The following BTBD9 variants were observed in gnomAD, a reference collection of about 807,000 sequenced individuals.
BTBD9 encodes the protein BTB/POZ domain-containing protein 9.
In BTBD9, 49 loss-of-function variants were observed where a neutral mutation model predicts 64.3. The ratio of observed to expected loss-of-function variants is 0.76; its 90% CI spans 0.61 to 0.97. BTBD9 has a LOEUF of 0.97. Among genes scored for constraint, BTBD9 ranks in the 50% least tolerant of loss-of-function variants. The pLI is 0.00. For synonymous variants in BTBD9, 260 were observed against 274.7 expected (o/e 0.95, Z 0.53); for missense variants, 598 against 762.1 (o/e 0.78, Z 2.53).
chr6:38,564,370 T>A (rs980540789), intron 6 of BTBD9, among the ~76,000 whole-genome samples: 3 of 152,212 alleles, frequency 2.0e-5, no homozygotes, highest in Non-Finnish European at 4.4e-5. Flanking sequence ...GCACTCAGTA[T>A]GTTTTTGTTG....
intron 9 of BTBD9, among the ~76,000 whole-genome samples, chr6:38,224,539 A>C (rs995302548): frequency 1.3e-5 from 2 of 152,232 alleles, no homozygotes; most frequent in African/African-American, 4.8e-5. Context: ...TTTAGAGATT[A>C]CCATCCAAAA....
At chr6:38,188,700 C>T (rs1761925152) in intron 10 of BTBD9, among the ~76,000 whole-genome samples, 2 of 152,160 alleles carry the variant, frequency 1.3e-5, no homozygotes, top group South Asian at 4.1e-4. Context: ...TCTTTGGAAG[C>T]CCTAATCCCT....
chr6:38,521,459 T>G (rs1313032929), intron 6 of BTBD9, among the ~76,000 whole-genome samples: 1 of 152,200 alleles, frequency 6.6e-6, no homozygotes, highest in Non-Finnish European at 1.5e-5. Flanking sequence ...CATTTCAGAT[T>G]TTTTCAGATT....
intron 9 of BTBD9, among the ~76,000 whole-genome samples, chr6:38,227,742 G>T (rs988175167): frequency 2.0e-5 from 3 of 152,206 alleles, no homozygotes; most frequent in Admixed American, 6.5e-5. Context: ...GGGGGCCTGG[G>T]ACTGGCATTC....
rs543471856 is a variant in BTBD9 at position 38,345,184 on chromosome 6, T to C, written c.1155-91A>G. On this transcript the variant is annotated intron_variant, in intron 6 of 10. Transcript: ENST00000481247. ...CAGAGTAAGACACGTCACCTAAACA[T>C]AGAGTGCACCAGGATATAGACCAAA... 378 of 749,290 alleles carry C rather than the reference T, an allele frequency of 5.0e-4. 7 individuals carry two copies. The South Asian group carries it at 6.4e-3, about 13-fold the overall frequency. The allele number at this position is 749,290 out of a possible 1,614,324, so 46.4% of individuals were successfully genotyped here. A position where few individuals can be genotyped will look rare whatever the true frequency, so the allele number is the denominator to read the frequency against.
rs1765475235 is a variant in BTBD9, at chr6:38,372,698, C to T, written c.1155-27605G>A. On this transcript the variant is annotated intron_variant, in intron 6 of 10. Transcript: ENST00000481247. ...GGTCCTAGAATGGCTGTTCAGACCT[C>T]CTGACTTTTCCCTCTGTACCCTCCA... Among the ~76,000 whole-genome samples, 3 of 152,170 alleles carry T rather than the reference C, an allele frequency of 2.0e-5. No individual in the cohort carries two copies. The South Asian group carries it at 6.2e-4, about 32-fold the overall frequency.
intron 6 of BTBD9, among the ~76,000 whole-genome samples, chr6:38,408,682 G>A (rs923639495): frequency 6.6e-6 from 1 of 152,152 alleles, no homozygotes; most frequent in African/African-American, 2.4e-5. Flanking sequence ...CAGTTGCTGT[G>A]TAGAATCAAC....
intron 1 of BTBD9, 137 bp from the exon 2 acceptor site, chr6:38,598,258 T>C: frequency 3.3e-6 from 2 of 608,414 alleles, no homozygotes; most frequent in African/African-American, 1.9e-5. Context: ...ATGGTATCCT[T>C]ATTAACCCAT....
chr6:38,553,784 T>A (rs1184272714), intron 6 of BTBD9, among the ~76,000 whole-genome samples: 1 of 151,940 alleles, frequency 6.6e-6, no homozygotes, highest in East Asian at 1.9e-4. Context: ...GCCCAGCAGT[T>A]CAAGGCTGCA....
In BTBD9 at chr6:38,552,754, G is replaced by GAA. The variant is rs201496890; in HGVS notation, c.1154+24844_1154+24845dup. On this transcript the variant is annotated intron_variant, in intron 6 of 10. Transcript: ENST00000481247. ...TGCACTCCAGAAAAGAAAAGAAAAA[G>GAA]AAAAAAAAAAAAAAGAAAGAGGGCT... 5.0e-3 allele frequency among the ~76,000 whole-genome samples: 540 copies of GAA among 108,822 alleles called. 2 individuals are homozygous for GAA. Among genetic ancestry groups the GAA allele is most frequent in the Non-Finnish European group, 6.4e-3 (326 of 51,212 alleles). 71.4% of individuals were successfully genotyped at this position (108,822 alleles called of 152,430 possible). A position where few individuals can be genotyped will look rare whatever the true frequency, so the allele number is the denominator to read the frequency against.
intron 6 of BTBD9, among the ~76,000 whole-genome samples, chr6:38,496,984 CT>C (rs1380705310): frequency 1.3e-5 from 2 of 152,190 alleles, no homozygotes; most frequent in African/African-American, 4.8e-5. Context: ...AAGGTGAAAA[CT>C]TTCAAGCAGG....
chr6:38,385,619 A>C (rs772694309), intron 6 of BTBD9, among the ~76,000 whole-genome samples: 37 of 152,168 alleles, frequency 2.4e-4, no homozygotes, highest in Non-Finnish European at 4.6e-4. Context: ...GTACAAAGTT[A>C]ATTATTAAAC....
At chr6:38,545,769 A>G (rs1234352387) in intron 6 of BTBD9, among the ~76,000 whole-genome samples, 3 of 124,404 alleles carry the variant, frequency 2.4e-5, no homozygotes, top group Non-Finnish European at 5.0e-5. Flanking sequence ...ACAGAGTGAG[A>G]CTCCGTCTCA....
chr6:38,385,727 T>A (rs1432898955), intron 6 of BTBD9, among the ~76,000 whole-genome samples: 1 of 152,142 alleles, frequency 6.6e-6, no homozygotes, highest in East Asian at 1.9e-4. Context: ...TATATGTTTT[T>A]TGAATCAACA....
chr6:38,346,045 C>T (rs367897229), intron 6 of BTBD9, among the ~76,000 whole-genome samples: 7 of 152,142 alleles, frequency 4.6e-5, no homozygotes, highest in African/African-American at 1.7e-4. Context: ...TAATGCCTCC[C>T]AGATTATGAA....
chr6:38,230,656 C>T (rs1763571441), intron 9 of BTBD9, among the ~76,000 whole-genome samples: 1 of 152,148 alleles, frequency 6.6e-6, no homozygotes, highest in African/African-American at 2.4e-5. Flanking sequence ...CATCCCATCT[C>T]ATCCCAACCT....
chr6:38,578,865 C>T (rs1302292341), intron 5 of BTBD9, among the ~76,000 whole-genome samples: 1 of 152,088 alleles, frequency 6.6e-6, no homozygotes, highest in Non-Finnish European at 1.5e-5. Flanking sequence ...ATCACAGAAA[C>T]GATGACAACC....
At chr6:38,340,915 T>C (rs1484377427) in intron 7 of BTBD9, among the ~76,000 whole-genome samples, 1 of 152,162 alleles carries the variant, frequency 6.6e-6, no homozygotes, top group African/African-American at 2.4e-5. Context: ...AAAATAATAG[T>C]TGAATCTGAT....
intron 7 of BTBD9, among the ~76,000 whole-genome samples, chr6:38,321,569 T>C (rs1490836441): frequency 6.6e-6 from 1 of 152,190 alleles, no homozygotes; most frequent in African/African-American, 2.4e-5. Flanking sequence ...GGCTGTGTGA[T>C]AACACTGCCA....
Sources: allele counts gnomAD v4.1 joint callset (sites outside exome capture counted in the v4.1 genomes callset), GRCh38; gene constraint gnomAD v4.1.1; transcripts MANE v1.5; gene names NCBI Gene and HGNC (gene_info 2026-07-23, HGNC 2026-07-21).